ZFAND3: variants seen among roughly 807,000 people sequenced by gnomAD.
The protein encoded by ZFAND3 is zinc finger AN1-type containing 3.
A neutral mutation model predicts 29.6 loss-of-function variants in ZFAND3; 10 were observed. The observed-to-expected ratio is 0.34, with a 90% CI of 0.21 to 0.57. ZFAND3 has a LOEUF of 0.57. Among genes scored for constraint, ZFAND3 ranks in the 20% least tolerant of loss-of-function variants. The probability of loss-of-function intolerance (pLI) is 0.86; values close to 1 mark genes in which losing one functional copy is unlikely to be tolerated. For synonymous variants in ZFAND3, 128 were observed against 112.6 expected, an observed-to-expected ratio of 1.14 and a Z score of -0.87; for missense variants, 230 against 304.5, an observed-to-expected ratio of 0.76 and a Z score of 1.82.
At chr6:37,924,061 A>G (rs1218256838) in intron 1 of ZFAND3, among the ~76,000 whole-genome samples, 1 of 152,160 alleles carries the variant, frequency 6.6e-6, no homozygotes, top group East Asian at 1.9e-4. Flanking sequence ...TTAGAAAAAG[A>G]AAAAAATTTA....
chr6:38,087,657 T>G (rs1477934610), intron 4 of ZFAND3, among the ~76,000 whole-genome samples: 1 of 152,172 alleles, frequency 6.6e-6, no homozygotes, highest in Non-Finnish European at 1.5e-5. Context: ...TCACCCCAAT[T>G]AAACTGGCTT....
chr6:38,053,927 G>C (rs1307790691), intron 2 of ZFAND3, among the ~76,000 whole-genome samples: 3 of 151,576 alleles, frequency 2.0e-5, no homozygotes, highest in Admixed American at 2.0e-4. Flanking sequence ...TGGGAGGAAG[G>C]GCAGAAGACA....
intron 1 of ZFAND3, among the ~76,000 whole-genome samples, chr6:37,923,046 A>G (rs1472754841): frequency 6.6e-6 from 1 of 152,244 alleles, no homozygotes; most frequent in African/African-American, 2.4e-5. Context: ...TTTTGTAATC[A>G]CACTTAGCTT....
intron 1 of ZFAND3, among the ~76,000 whole-genome samples, chr6:37,854,902 G>A (rs910019537): frequency 6.8e-6 from 1 of 146,890 alleles, no homozygotes; most frequent in African/African-American, 2.5e-5. Context: ...AGTTAGTAAT[G>A]AGTACAGTCT....
chr6:38,112,028 G>T (rs534497568), intron 4 of ZFAND3, among the ~76,000 whole-genome samples: 1 of 152,166 alleles, frequency 6.6e-6, no homozygotes, highest in East Asian at 1.9e-4. Context: ...AAAATTAAGC[G>T]CAGTTACTTT....
intron 2 of ZFAND3, among the ~76,000 whole-genome samples, chr6:37,966,855 C>G (rs1762302098): frequency 6.6e-6 from 1 of 152,136 alleles, no homozygotes; most frequent in Admixed American, 6.6e-5. Context: ...GTTCCCTAGT[C>G]TTTTCATGAT....
intron 2 of ZFAND3, among the ~76,000 whole-genome samples, chr6:38,040,409 G>A (rs1157668747): frequency 6.6e-6 from 1 of 152,086 alleles, no homozygotes; most frequent in Non-Finnish European, 1.5e-5. Context: ...GCATTGGACA[G>A]AATTTCCTTG....
At chr6:37,851,491 A>AAG (rs1764281334) in intron 1 of ZFAND3, among the ~76,000 whole-genome samples, 1 of 152,002 alleles carries the variant, frequency 6.6e-6, no homozygotes, top group Admixed American at 6.6e-5. Context: ...CTGCCTCCAA[A>AAG]CTATCTTGTT....
chr6:37,883,826 C>T lies in ZFAND3; in HGVS notation c.72-46133C>T, dbSNP rs138599374. Among the ~76,000 whole-genome samples the T allele has an allele frequency of 5.4e-3, 790 of 145,594 alleles. 55 individuals carry two copies. Among genetic ancestry groups the T allele is most frequent in the East Asian group, 0.026 (132 of 5,130 alleles). On this transcript the variant is annotated intron_variant, in intron 1 of 5. Coordinates refer to ENST00000287218, the MANE Select transcript of ZFAND3 (RefSeq NM_021943.3). ...AAGTGCTGGGATTACAGGCGTGAGC[C>T]GCCGTGCCCGGCTTGATGGATACCT...
At chr6:37,867,948 C>G (rs1764618786) in intron 1 of ZFAND3, among the ~76,000 whole-genome samples, 1 of 152,140 alleles carries the variant, frequency 6.6e-6, no homozygotes, top group Non-Finnish European at 1.5e-5. Flanking sequence ...CAATAACTTC[C>G]TCCTTTTTTC....
chr6:37,901,359 T>G (rs1380811401), intron 1 of ZFAND3, among the ~76,000 whole-genome samples: 1 of 152,214 alleles, frequency 6.6e-6, no homozygotes, highest in Non-Finnish European at 1.5e-5. Context: ...AAGGCTGTGT[T>G]GGCCAGGTGT....
chr6:38,006,469 C>T (rs17648634), intron 2 of ZFAND3, among the ~76,000 whole-genome samples: 9,919 of 152,026 alleles, frequency 0.065, 396 homozygotes, highest in Non-Finnish European at 0.094. Flanking sequence ...TCTGCTGTTT[C>T]GAGTGCTTTT....
chr6:37,927,626 C>T (rs949247358), intron 1 of ZFAND3, among the ~76,000 whole-genome samples: 2 of 152,216 alleles, frequency 1.3e-5, no homozygotes, highest in Non-Finnish European at 2.9e-5. Flanking sequence ...TCACTTCTTC[C>T]TTGCGTTGGA....
chr6:38,035,866 A>G (rs947692093), intron 2 of ZFAND3, among the ~76,000 whole-genome samples: 1 of 152,216 alleles, frequency 6.6e-6, no homozygotes, highest in African/African-American at 2.4e-5. Flanking sequence ...CAAAACATTT[A>G]AAGTCTCTGG....
intron 1 of ZFAND3, among the ~76,000 whole-genome samples, chr6:37,888,620 C>G (rs762021578): frequency 1.3e-5 from 2 of 152,078 alleles, no homozygotes; most frequent in Non-Finnish European, 2.9e-5. Flanking sequence ...ATCCCATTTT[C>G]CAGATCACAT....
intron 2 of ZFAND3, among the ~76,000 whole-genome samples, chr6:38,046,114 A>G (rs1437919530): frequency 2.0e-5 from 3 of 152,208 alleles, no homozygotes; most frequent in Admixed American, 6.5e-5. Flanking sequence ...CCTTTTGCCC[A>G]TTTGTCAGAA....
At chr6:37,932,270 A>AAAAT (rs1554159701) in intron 2 of ZFAND3, among the ~76,000 whole-genome samples, 4 of 151,880 alleles carry the variant, frequency 2.6e-5, no homozygotes, top group South Asian at 2.1e-4. Flanking sequence ...CAAAAAAAAA[A>AAAAT]AAATAAATAA....
intron 1 of ZFAND3, among the ~76,000 whole-genome samples, chr6:37,910,357 GTTAA>G (rs1172296442): frequency 2.8e-4 from 42 of 152,054 alleles, no homozygotes; most frequent in Admixed American, 2.8e-3. Context: ...CTAAGTAATT[GTTAA>G]TTAAGTAATG....
At chr6:38,072,493 C>T (rs895489750) in intron 3 of ZFAND3, among the ~76,000 whole-genome samples, 1 of 152,158 alleles carries the variant, frequency 6.6e-6, no homozygotes, top group African/African-American at 2.4e-5. Flanking sequence ...CTGTCCTTCT[C>T]TGTGAAAGTA....
Sources: gnomAD v4.1 joint callset for allele counts (sites outside exome capture counted in the v4.1 genomes callset) on GRCh38, gnomAD v4.1.1 for gene constraint, MANE v1.5 for transcripts, NCBI Gene and HGNC (gene_info 2026-07-23, HGNC 2026-07-21) for gene names.